ADAM23: variants seen among roughly 807,000 people sequenced by gnomAD.
ADAM23 encodes the protein ADAM metallopeptidase domain 23.
A neutral mutation model predicts 120.1 loss-of-function variants in ADAM23; 33 were observed. That is an observed-to-expected ratio of 0.27 (90% CI 0.21 to 0.37). ADAM23 has a LOEUF of 0.37. ADAM23 is among the 10% of genes least tolerant of loss of function. The pLI, the probability that ADAM23 is intolerant of heterozygous loss-of-function variation, is 1.00. For synonymous variants in ADAM23, 367 were observed against 375.2 expected, an observed-to-expected ratio of 0.98 and a Z score of 0.25; for missense variants, 862 against 1,058.2, an observed-to-expected ratio of 0.81 and a Z score of 2.57.
intron 18 of ADAM23, among the ~76,000 whole-genome samples, chr2:206,576,220 A>G (rs1374986064): frequency 1.3e-5 from 2 of 152,098 alleles, no homozygotes; most frequent in African/African-American, 4.8e-5. Flanking sequence ...TCAGAGTTAT[A>G]TTTTTAGCTT....
intron 17 of ADAM23, 61 bp from the exon 18 acceptor site, chr2:206,573,054 G>A: frequency 6.5e-7 from 1 of 1,549,430 alleles, no homozygotes; most frequent in Non-Finnish European, 8.9e-7. Flanking sequence ...GTCTAAGAAT[G>A]TTATAATAAC....
chr2:206,546,158 T>A (rs1697392314), intron 6 of ADAM23, among the ~76,000 whole-genome samples: 1 of 152,222 alleles, frequency 6.6e-6, no homozygotes, highest in Admixed American at 6.5e-5. Context: ...CCTTCCTTCC[T>A]GTTGCCTACC....
intron 2 of ADAM23, among the ~76,000 whole-genome samples, chr2:206,477,897 A>AAAAAAATATATATATATAT (rs374524658): frequency 1.1e-5 from 1 of 93,602 alleles, no homozygotes; most frequent in Non-Finnish European, 2.0e-5. Context: ...AAAAAAAAAA[A>AAAAAAATATATATATATAT]ATATATATAT....
At chr2:206,542,202 A>T (rs888576591) in intron 5 of ADAM23, 68 bp downstream of exon 5, 42 of 1,481,592 alleles carry the variant, frequency 2.8e-5, no homozygotes, top group African/African-American at 4.2e-5. Flanking sequence ...GGATATATAT[A>T]TTTTAGTGAC....
chr2:206,552,907 A>G (rs184069332), intron 9 of ADAM23, among the ~76,000 whole-genome samples: 7 of 151,470 alleles, frequency 4.6e-5, no homozygotes, highest in Non-Finnish European at 1.0e-4. Context: ...GACTCAAGTG[A>G]TCTGTCTGCT....
intron 7 of ADAM23, 84 bp downstream of exon 7, chr2:206,547,585 T>A (rs1697425716): frequency 8.4e-7 from 1 of 1,190,760 alleles, no homozygotes; most frequent in Non-Finnish European, 1.2e-6. Flanking sequence ...GCAGGCTTGT[T>A]GGAAGTGGAA....
At chr2:206,559,849 G>C (rs1384754653) in intron 10 of ADAM23, 106 bp from the exon 11 acceptor site, 4 of 942,476 alleles carry the variant, frequency 4.2e-6, no homozygotes, top group Non-Finnish European at 6.2e-6. Context: ...ATGACCCCGT[G>C]TTCTCTCACC....
chr2:206,531,071 A>G, intron 4 of ADAM23, 123 bp downstream of exon 4: 1 of 691,700 alleles, frequency 1.4e-6, no homozygotes, highest in South Asian at 2.6e-5. Context: ...TTACAATGAT[A>G]CTATTTTTAG....
At chr2:206,608,681 C>T (rs984988366) in intron 24 of ADAM23, among the ~76,000 whole-genome samples, 31 of 152,156 alleles carry the variant, frequency 2.0e-4, no homozygotes, top group African/African-American at 6.7e-4. Context: ...GAGACCTGCA[C>T]CCCGAGACTG....
At position 206,444,144 on chromosome 2, in the gene ADAM23, G is replaced by GGC. The variant is rs1006926372; in HGVS notation, c.214+70_214+71dup. 3 of 1,194,694 alleles carry GGC rather than the reference G, an allele frequency of 2.5e-6. No homozygotes were observed. The African/African-American group carries it at 4.7e-5, about 19-fold the overall frequency. The allele number at this position is 1,194,694 out of a possible 1,614,324, so 74.0% of individuals were successfully genotyped here. A position where few individuals can be genotyped will look rare whatever the true frequency, so the allele number is the denominator to read the frequency against. On this transcript the variant is annotated intron_variant, in intron 1 of 25. Transcript: ENST00000264377. ...CGGGGCCCTGCAGAGGAAAGCGAAGGGCGCGCGGGTCCGTGTGCTCCGGGC... is the reference window on the plus strand; with the variant it reads ...CGGGGCCCTGCAGAGGAAAGCGAAGGGCGCGCGCGGGTCCGTGTGCTCCGGGC...
rs534113696 is a variant in ADAM23, at chr2:206,478,749, T to A, written c.433-2483T>A. ...TTTCCTACAGGCCATATTCATTTTT[T>A]AAAAAATTTAAAAAGCTTATTTTTC... On this transcript the variant is annotated intron_variant, in intron 2 of 25. Coordinates refer to ENST00000264377, the MANE Select transcript of ADAM23 (RefSeq NM_003812.4). Among the ~76,000 whole-genome samples, 7 of 152,366 alleles carry A rather than the reference T, an allele frequency of 4.6e-5. No individual in the cohort carries two copies. In the East Asian group the frequency reaches 5.8e-4, roughly 13 times the overall value.
intron 18 of ADAM23, among the ~76,000 whole-genome samples, chr2:206,579,788 G>T (rs1299260376): frequency 1.3e-5 from 2 of 152,108 alleles, no homozygotes; most frequent in African/African-American, 4.8e-5. Context: ...TTCTGATGGG[G>T]ATTGTGTTGA....
At chr2:206,494,748 C>T (rs975087045) in intron 3 of ADAM23, among the ~76,000 whole-genome samples, 1 of 152,138 alleles carries the variant, frequency 6.6e-6, no homozygotes, top group Admixed American at 6.6e-5. Flanking sequence ...ACAGCTTTAA[C>T]AGCCAGAAGT....
At chr2:206,480,849 T>A (rs561936375) in intron 2 of ADAM23, among the ~76,000 whole-genome samples, 1 of 152,296 alleles carries the variant, frequency 6.6e-6, no homozygotes, top group Non-Finnish European at 1.5e-5. Flanking sequence ...ACTGACATGA[T>A]TTTTCACTTA....
At chr2:206,464,572 C>T (rs184575862) in intron 2 of ADAM23, among the ~76,000 whole-genome samples, 75 of 140,446 alleles carry the variant, frequency 5.3e-4, no homozygotes, top group Non-Finnish European at 8.7e-4. Flanking sequence ...GAGACTGTCT[C>T]AAAAAAAAAA....
intron 3 of ADAM23, among the ~76,000 whole-genome samples, chr2:206,509,298 G>T (rs1248071855): frequency 6.6e-6 from 1 of 152,056 alleles, no homozygotes; most frequent in Non-Finnish European, 1.5e-5. Context: ...TTAATTCAGA[G>T]AACTCTGTAT....
chr2:206,605,769 C>T lies in ADAM23; in HGVS notation c.2360-4141C>T, dbSNP rs767451099. 56 of 702,304 alleles carry T rather than the reference C, an allele frequency of 8.0e-5. 2 individuals are homozygous for T. The South Asian group carries it at 8.3e-4, about 10-fold the overall frequency. The allele number at this position is 702,304 out of a possible 1,614,324, so 43.5% of individuals were successfully genotyped here. ...TATGTAATTTCCTTTGTTAAAAAAT[C>T]TCCATTTTCCCTCCACACAGTGAAT... On this transcript the variant is annotated intron_variant, in intron 24 of 25. Coordinates refer to ENST00000264377, the MANE Select transcript of ADAM23 (RefSeq NM_003812.4).
chr2:206,491,243 G>A lies in ADAM23; in HGVS notation c.509+9935G>A, dbSNP rs556687744. Among the ~76,000 whole-genome samples, 114 of 152,094 alleles carry A rather than the reference G, an allele frequency of 7.5e-4. 1 individual carries two copies. Among genetic ancestry groups the A allele is most frequent in the African/African-American group, 2.3e-3 (94 of 41,484 alleles). ...AAGCACCAGGCTAGAGAAATGAGGA[G>A]GGCCACAGGAGCCAGATTTAGATTT... is the stretch of plus-strand genomic sequence containing the variant. On this transcript the variant is annotated intron_variant, in intron 3 of 25. Coordinates refer to ENST00000264377, the MANE Select transcript of ADAM23 (RefSeq NM_003812.4).
chr2:206,533,008 CCCA>C (rs1391447495), intron 4 of ADAM23, among the ~76,000 whole-genome samples: 1 of 151,904 alleles, frequency 6.6e-6, no homozygotes, highest in African/African-American at 2.4e-5. Flanking sequence ...AATTCATATT[CCCA>C]CCACCATTAC....
Sources: gnomAD v4.1 joint callset for allele counts (sites outside exome capture counted in the v4.1 genomes callset) on GRCh38, gnomAD v4.1.1 for gene constraint, MANE v1.5 for transcripts, NCBI Gene and HGNC (gene_info 2026-07-23, HGNC 2026-07-21) for gene names.